LRP1B: variants seen among roughly 807,000 people sequenced by gnomAD.
LRP1B encodes low-density lipoprotein receptor-related protein 1B.
Under a neutral mutation model 556.6 loss-of-function variants are expected in LRP1B, and 217 were observed. The ratio of observed to expected loss-of-function variants is 0.39; its 90% confidence interval spans 0.35 to 0.44. The LOEUF is 0.44. Among genes scored for constraint, LRP1B ranks in the 20% least tolerant of loss-of-function variants. The pLI is 1.00. For missense variants in LRP1B, 5,053 were observed against 5,620.8 expected (o/e 0.90, Z 3.23); for synonymous variants, 2,047 against 1,865.8 (o/e 1.10, Z -2.50).
chr2:140,609,756 A>G (rs1372704256), intron 41 of LRP1B, among the ~76,000 whole-genome samples: 4 of 152,106 alleles, frequency 2.6e-5, no homozygotes, highest in Admixed American at 2.6e-4. Flanking sequence ...CCCTTTCCAC[A>G]CTGATCACTG....
Position 141,792,477 on chromosome 2 carries a change from C to G in LRP1B, c.205+17802G>C, listed in dbSNP as rs536820869. ...AAAAATTACCAGTGAAAGACTCCATCAGAGAGTCAGTTATTTAATTAAAAT... is the reference window on the plus strand; with the variant it reads ...AAAAATTACCAGTGAAAGACTCCATGAGAGAGTCAGTTATTTAATTAAAAT... On this transcript the variant is annotated intron_variant, in intron 2 of 90. Coordinates refer to ENST00000389484, the MANE Select transcript of LRP1B (RefSeq NM_018557.3). Among the ~76,000 whole-genome samples, 5 of 152,040 alleles carry G rather than the reference C, an allele frequency of 3.3e-5. No homozygotes were observed. The South Asian group carries it at 1.0e-3, about 32-fold the overall frequency.
chr2:141,081,579 G>A lies in LRP1B; in HGVS notation c.1014-19306C>T, dbSNP rs369326688. ...TACAGGTTTCAAGGGATAAATGTCA[G>A]TTTACTGGAGGAATAAGAACTTGCC... On this transcript the variant is annotated intron_variant, in intron 7 of 90. Coordinates refer to ENST00000389484, the MANE Select transcript of LRP1B (RefSeq NM_018557.3). Among the ~76,000 whole-genome samples the A allele has an allele frequency of 2.0e-5, 3 of 152,148 alleles. No individual in the cohort carries two copies. The East Asian group carries it at 5.8e-4, about 29-fold the overall frequency.
At chr2:141,916,739 T>C (rs2104964081) in intron 1 of LRP1B, among the ~76,000 whole-genome samples, 1 of 151,946 alleles carries the variant, frequency 6.6e-6, no homozygotes, top group East Asian at 1.9e-4. Flanking sequence ...GACATAAAGA[T>C]GGCAACGATA....
At chr2:141,964,954 T>C (rs1333660390) in intron 1 of LRP1B, among the ~76,000 whole-genome samples, 2 of 149,464 alleles carry the variant, frequency 1.3e-5, no homozygotes, top group African/African-American at 4.9e-5. Flanking sequence ...CAGACACTTC[T>C]CAAAAAAAGA....
chr2:141,711,342 A>G (rs1692347602), intron 2 of LRP1B, among the ~76,000 whole-genome samples: 1 of 152,192 alleles, frequency 6.6e-6, no homozygotes, highest in African/African-American at 2.4e-5. Flanking sequence ...CAACTAGACC[A>G]ATAATGAAAT....
chr2:141,706,247 G>C (rs962367264), intron 2 of LRP1B, among the ~76,000 whole-genome samples: 3 of 152,018 alleles, frequency 2.0e-5, no homozygotes, highest in Non-Finnish European at 4.4e-5. Flanking sequence ...ACTTTCAAGT[G>C]TTTATGACCT....
intron 2 of LRP1B, among the ~76,000 whole-genome samples, chr2:141,660,671 G>A (rs1177355190): frequency 1.3e-5 from 2 of 152,154 alleles, no homozygotes; most frequent in Admixed American, 1.3e-4. Context: ...ACAGAACTCT[G>A]ATCTCTCTGG....
chr2:140,511,935 A>T (rs949368510), intron 51 of LRP1B, among the ~76,000 whole-genome samples: 2 of 152,194 alleles, frequency 1.3e-5, no homozygotes, highest in Non-Finnish European at 2.9e-5. Flanking sequence ...CCATGAAACC[A>T]TAAAGTGTCC....
intron 2 of LRP1B, among the ~76,000 whole-genome samples, chr2:141,635,601 T>C (rs1574171519): frequency 6.6e-6 from 1 of 152,162 alleles, no homozygotes; most frequent in Admixed American, 6.6e-5. Context: ...AAAAATAAAC[T>C]ATGGAACACA....
At chr2:142,122,331 G>T (rs1349680996) in intron 1 of LRP1B, among the ~76,000 whole-genome samples, 1 of 152,118 alleles carries the variant, frequency 6.6e-6, no homozygotes, top group African/African-American at 2.4e-5. Flanking sequence ...AAGAAAACGT[G>T]CTAGGAGAAG....
chr2:140,448,741 GAGAAT>G (rs1165556758), intron 63 of LRP1B, among the ~76,000 whole-genome samples: 1 of 152,010 alleles, frequency 6.6e-6, no homozygotes, highest in Non-Finnish European at 1.5e-5. Context: ...AAATTGCTAA[GAGAAT>G]AGATTTTAAG....
chr2:140,647,638 G>A (rs1684530435), intron 41 of LRP1B, among the ~76,000 whole-genome samples: 1 of 152,004 alleles, frequency 6.6e-6, no homozygotes, highest in African/African-American at 2.4e-5. Flanking sequence ...TAGTCTACTG[G>A]ACAAATTAGA....
At chr2:140,782,147 G>C (rs1021659613) in intron 32 of LRP1B, among the ~76,000 whole-genome samples, 1 of 152,126 alleles carries the variant, frequency 6.6e-6, no homozygotes, top group Non-Finnish European at 1.5e-5. Context: ...TAAGCTGTAC[G>C]TAAGCAGGGA....
intron 7 of LRP1B, among the ~76,000 whole-genome samples, chr2:141,123,393 A>G (rs1183674109): frequency 6.6e-6 from 1 of 152,040 alleles, no homozygotes; most frequent in Non-Finnish European, 1.5e-5. Context: ...TTAAATATGC[A>G]TATTTAATTG....
intron 2 of LRP1B, among the ~76,000 whole-genome samples, chr2:141,665,805 C>T (rs1318538065): frequency 6.6e-6 from 1 of 152,080 alleles, no homozygotes; most frequent in African/African-American, 2.4e-5. Flanking sequence ...AAGCCATTAT[C>T]CTCAGCAAAC....
chr2:141,268,901 C>T (rs562947868), intron 3 of LRP1B, among the ~76,000 whole-genome samples: 1 of 152,224 alleles, frequency 6.6e-6, no homozygotes, highest in African/African-American at 2.4e-5. Flanking sequence ...GGTCCAGTTA[C>T]TCTCATCCAG....
intron 27 of LRP1B, among the ~76,000 whole-genome samples, chr2:140,860,297 ATTAT>A (rs1692751516): frequency 6.6e-6 from 1 of 152,244 alleles, no homozygotes; most frequent in East Asian, 1.9e-4. Flanking sequence ...ATTTGATCTA[ATTAT>A]TGTTGTAACT....
intron 1 of LRP1B, among the ~76,000 whole-genome samples, chr2:142,020,060 T>C (rs1459672186): frequency 6.6e-6 from 1 of 152,174 alleles, no homozygotes; most frequent in African/African-American, 2.4e-5. Flanking sequence ...TAGAATGTAA[T>C]CTCCAAGAAA....
intron 1 of LRP1B, among the ~76,000 whole-genome samples, chr2:141,873,245 A>G (rs115508112): frequency 0.17 from 26,147 of 151,830 alleles, 2,269 homozygotes; most frequent in South Asian, 0.19. Context: ...TGCTTGAGTC[A>G]AGGAGTTTGA....
Sources: allele counts gnomAD v4.1 joint callset (sites outside exome capture counted in the v4.1 genomes callset), GRCh38; gene constraint gnomAD v4.1.1; transcripts MANE v1.5; gene names NCBI Gene and HGNC (gene_info 2026-07-23, HGNC 2026-07-21).